Variants in DECR1 observed in about 807,000 individuals in gnomAD.
DECR1 encodes the protein 2,4-dienoyl-CoA reductase 1, also known as 2,4-dienoyl-CoA reductase [(3E)-enoyl-CoA-producing], mitochondrial.
Under a neutral mutation model 38.8 loss-of-function variants are expected in DECR1, and 44 were observed. The observed-to-expected ratio is 1.13, with a 90% CI of 0.89 to 1.46. DECR1 has a LOEUF of 1.46. DECR1 is among the 40% of genes most tolerant of loss of function. DECR1 has a pLI of 0.00. For missense variants in DECR1, 428 were observed against 405.5 expected, an observed-to-expected ratio of 1.06 and a Z score of -0.48; for synonymous variants, 148 against 135.2, an observed-to-expected ratio of 1.09 and a Z score of -0.66.
chr8:90,005,225 G>T (rs1812710148), intron 1 of DECR1: 1 of 418,724 alleles, frequency 2.4e-6, no homozygotes, highest in Non-Finnish European at 4.7e-6. Flanking sequence ...CAGTCAGGTT[G>T]CTGGGGGACA....
At chr8:90,006,734 TATC>T (rs1812751087) in intron 1 of DECR1, among the ~76,000 whole-genome samples, 1 of 152,122 alleles carries the variant, frequency 6.6e-6, no homozygotes, top group Admixed American at 6.5e-5. Flanking sequence ...AGAAATACGA[TATC>T]ATCAGGTAAG....
chr8:90,013,791 T>C (rs1049215944), intron 1 of DECR1, among the ~76,000 whole-genome samples: 8 of 152,220 alleles, frequency 5.3e-5, no homozygotes, highest in Admixed American at 1.3e-4. Context: ...CTAGCCAAAA[T>C]ATACTTAAGT....
At chr8:90,030,981 G>A (rs990799020) in intron 5 of DECR1, among the ~76,000 whole-genome samples, 1 of 152,108 alleles carries the variant, frequency 6.6e-6, no homozygotes. Context: ...TGAAGATAAG[G>A]TAAAGGTAAA....
chr8:90,048,212 C>CA (rs1453418579), intron 8 of DECR1, among the ~76,000 whole-genome samples: 1 of 151,612 alleles, frequency 6.6e-6, no homozygotes, highest in African/African-American at 2.4e-5. Flanking sequence ...GATAGAGACA[C>CA]AAAAAACCCT....
At chr8:90,051,010 A>G (rs555211464) in intron 8 of DECR1, among the ~76,000 whole-genome samples, 2 of 151,950 alleles carry the variant, frequency 1.3e-5, no homozygotes, top group Non-Finnish European at 2.9e-5. Flanking sequence ...AACATCACAC[A>G]TGGGGGCCCG....
intron 5 of DECR1, among the ~76,000 whole-genome samples, chr8:90,034,110 C>T (rs1016248229): frequency 6.6e-6 from 1 of 152,132 alleles, no homozygotes; most frequent in Non-Finnish European, 1.5e-5. Flanking sequence ...CAAAATGGTA[C>T]TCCTGCCCCC....
chr8:90,008,819 A>G (rs1459614723), intron 1 of DECR1, among the ~76,000 whole-genome samples: 2 of 152,372 alleles, frequency 1.3e-5, no homozygotes, highest in African/African-American at 4.8e-5. Context: ...TATTAGGTAC[A>G]GTGGTGACTC....
chr8:90,013,255 T>C (rs1437435527), intron 1 of DECR1, among the ~76,000 whole-genome samples: 3 of 152,212 alleles, frequency 2.0e-5, no homozygotes, highest in Admixed American at 2.0e-4. Flanking sequence ...TATGAGAGAC[T>C]ATTATTGTAT....
At chr8:90,049,819 C>G (rs1322951732) in intron 8 of DECR1, among the ~76,000 whole-genome samples, 1 of 152,082 alleles carries the variant, frequency 6.6e-6, no homozygotes, top group East Asian at 1.9e-4. Context: ...GGTACGGTAC[C>G]AAAACAGAGA....
At chr8:90,010,731 A>C (rs1812863681) in intron 1 of DECR1, among the ~76,000 whole-genome samples, 1 of 152,262 alleles carries the variant, frequency 6.6e-6, no homozygotes, top group Non-Finnish European at 1.5e-5. Flanking sequence ...GATACGTAGA[A>C]GCTCCAAGAA....
intron 8 of DECR1, among the ~76,000 whole-genome samples, chr8:90,045,881 T>C (rs1215684524): frequency 1.3e-5 from 2 of 152,168 alleles, no homozygotes; most frequent in Admixed American, 1.3e-4. Context: ...CTACAATATT[T>C]GCTGTTCTGC....
intron 5 of DECR1, among the ~76,000 whole-genome samples, chr8:90,027,208 G>T (rs1234789182): frequency 6.6e-6 from 1 of 152,176 alleles, no homozygotes; most frequent in Non-Finnish European, 1.5e-5. Flanking sequence ...GTTGATTTGG[G>T]GTGGAGAGTT....
rs1278792144 is a variant in DECR1, at chr8:90,031,426, C to A, written c.566-5415C>A. Reference sequence around the variant, plus strand: ...CATAATTAAAATTAGTTAGAAAAACCAGAGCCCTGATATCCCTTCTTACTA... The same window carrying A: ...CATAATTAAAATTAGTTAGAAAAACAAGAGCCCTGATATCCCTTCTTACTA... On this transcript the variant is annotated intron_variant, in intron 5 of 9. Coordinates refer to ENST00000220764, the MANE Select transcript of DECR1 (RefSeq NM_001359.2). 3.3e-5 allele frequency among the ~76,000 whole-genome samples: 5 copies of A among 152,048 alleles called. No homozygotes were observed. The East Asian group carries it at 9.6e-4, about 29-fold the overall frequency.
intron 5 of DECR1, among the ~76,000 whole-genome samples, chr8:90,022,647 G>A (rs74401355): frequency 0.043 from 6,494 of 151,572 alleles, 281 homozygotes; most frequent in East Asian, 0.19. Flanking sequence ...ATTTTCTCTC[G>A]CCCTACCCCT....
intron 1 of DECR1, chr8:90,005,213 A>AG: frequency 2.5e-6 from 1 of 406,336 alleles, no homozygotes; most frequent in South Asian, 1.8e-5. Flanking sequence ...TGGAGACGAG[A>AG]TCAGTCAGGT....
intron 6 of DECR1, among the ~76,000 whole-genome samples, chr8:90,037,604 G>A (rs974601714): frequency 6.6e-6 from 1 of 151,864 alleles, no homozygotes; most frequent in African/African-American, 2.4e-5. Flanking sequence ...GTGCCACAGC[G>A]CCTGGCTAAT....
At chr8:90,039,581 C>T (rs1025669240) in intron 6 of DECR1, among the ~76,000 whole-genome samples, 4 of 152,170 alleles carry the variant, frequency 2.6e-5, no homozygotes, top group South Asian at 4.1e-4. Flanking sequence ...CAGAGCCAAA[C>T]CATGTCACCA....
At chr8:90,038,454 C>CTTTTTTT (rs759045189) in intron 6 of DECR1, among the ~76,000 whole-genome samples, 3 of 111,756 alleles carry the variant, frequency 2.7e-5, no homozygotes, top group African/African-American at 3.7e-5. Flanking sequence ...CATCGCGGGC[C>CTTTTTTT]TTTTTTTTTT....
intron 8 of DECR1, among the ~76,000 whole-genome samples, chr8:90,051,103 A>G (rs1040199212): frequency 6.6e-6 from 1 of 152,034 alleles, no homozygotes; most frequent in African/African-American, 2.4e-5. Context: ...CAGCACACCA[A>G]CATGGCACAT....
Sources: allele counts gnomAD v4.1 joint callset (sites outside exome capture counted in the v4.1 genomes callset), GRCh38; gene constraint gnomAD v4.1.1; transcripts MANE v1.5; gene names NCBI Gene and HGNC (gene_info 2026-07-23, HGNC 2026-07-21).